The following PDK1 variants were observed in gnomAD, a reference collection of about 807,000 sequenced individuals.
The protein encoded by PDK1 is pyruvate dehydrogenase kinase 1, also known as [Pyruvate dehydrogenase (acetyl-transferring)] kinase isozyme 1, mitochondrial.
Under a neutral mutation model 54.2 loss-of-function variants are expected in PDK1, and 39 were observed. The ratio of observed to expected loss-of-function variants is 0.72; its 90% CI spans 0.56 to 0.94. The LOEUF (loss-of-function observed/expected upper bound fraction) is 0.94. PDK1 is among the 40% of genes least tolerant of loss of function. PDK1 has a pLI of 0.00. For missense variants in PDK1, 552 were observed against 566.0 expected (o/e 0.98, Z 0.25); for synonymous variants, 221 against 207.1 (o/e 1.07, Z -0.58).
the PDK1 span, among the ~76,000 whole-genome samples, chr2:172,649,858 C>T: frequency 2.0e-5 from 3 of 152,218 alleles, no homozygotes; most frequent in Admixed American, 1.3e-4. Flanking sequence ...AAATTTACGT[C>T]CGATTGGTGT....
the PDK1 span, among the ~76,000 whole-genome samples, chr2:172,629,693 T>C: frequency 0.99 from 150,308 of 152,312 alleles, 74,208 homozygotes; most frequent in Middle Eastern, 1. Flanking sequence ...AACATTTAGC[T>C]GTCTGCAGAC....
chr2:172,664,546 G>C, the PDK1 span, among the ~76,000 whole-genome samples: 1 of 151,982 alleles, frequency 6.6e-6, no homozygotes, highest in African/African-American at 2.4e-5. Context: ...TGATCTCTAG[G>C]AATGTGTAGA....
chr2:172,595,446 G>A (rs1443215567), intron 10 of PDK1, among the ~76,000 whole-genome samples: 1 of 152,140 alleles, frequency 6.6e-6, no homozygotes, highest in East Asian at 1.9e-4. Context: ...TTAAAATAGA[G>A]TTCATTAAAT....
the PDK1 span, among the ~76,000 whole-genome samples, chr2:172,614,545 C>T: frequency 7.9e-5 from 12 of 152,134 alleles, no homozygotes; most frequent in Non-Finnish European, 1.6e-4. Context: ...GAGGAGCTGC[C>T]GTCTGCTGAG....
At chr2:172,721,490 AC>A in the PDK1 span, among the ~76,000 whole-genome samples, 307 of 152,150 alleles carry the variant, frequency 2.0e-3, 3 homozygotes, top group Admixed American at 0.018. Context: ...GGCATGTGCC[AC>A]CAGGCCTGGC....
At chr2:172,675,771 A>G in the PDK1 span, among the ~76,000 whole-genome samples, 124 of 152,372 alleles carry the variant, frequency 8.1e-4, no homozygotes, top group African/African-American at 2.8e-3. Context: ...ACACTAAACA[A>G]CAAATTTTCA....
chr2:172,621,729 ATC>A, the PDK1 span, among the ~76,000 whole-genome samples: 68 of 146,804 alleles, frequency 4.6e-4, no homozygotes, highest in Non-Finnish European at 8.6e-4. Flanking sequence ...ATATGTTTAT[ATC>A]TCATATATGT....
At chr2:172,585,184 C>T (rs942083852) in intron 8 of PDK1, among the ~76,000 whole-genome samples, 7 of 151,252 alleles carry the variant, frequency 4.6e-5, no homozygotes, top group African/African-American at 1.5e-4. Flanking sequence ...TTTTTTGTAG[C>T]GATGGGGTCT....
In PDK1 at chr2:172,603,341, C is replaced by T. The variant is rs1480646960; in HGVS notation, c.*7372C>T. 1.3e-5 allele frequency: 2 copies of T among 152,114 alleles called. No individual in the cohort carries two copies. Among genetic ancestry groups the T allele is most frequent in the East Asian group, 1.9e-4 (1 of 5,188 alleles). The allele number at this position is 152,114 out of a possible 1,614,324, so 9.4% of individuals were successfully genotyped here. A position where few individuals can be genotyped will look rare whatever the true frequency, so the allele number is the denominator to read the frequency against. On this transcript the variant is annotated 3_prime_UTR_variant, in exon 11 of 11. Transcript: ENST00000282077. ...TACTTGGTGGATGTGTCCATGACCT[C>T]GAGATCGAAAACCCATTAGTTAATC...
At chr2:172,675,275 C>G in the PDK1 span, among the ~76,000 whole-genome samples, 2 of 152,208 alleles carry the variant, frequency 1.3e-5, no homozygotes, top group African/African-American at 2.4e-5. Flanking sequence ...GATCTCACCT[C>G]TCTCACTTTA....
At chr2:172,721,208 G>A in the PDK1 span, among the ~76,000 whole-genome samples, 6 of 152,156 alleles carry the variant, frequency 3.9e-5, no homozygotes, top group Non-Finnish European at 7.3e-5. Context: ...GTTGCCCTAT[G>A]GCCTTAACTA....
intron 6 of PDK1, among the ~76,000 whole-genome samples, chr2:172,568,200 C>A (rs1457795526): frequency 6.6e-6 from 1 of 151,530 alleles, no homozygotes; most frequent in Non-Finnish European, 1.5e-5. Flanking sequence ...TGGTGGTTGG[C>A]GCCTGTAATC....
chr2:172,633,381 C>CTTTTTTTTTTTTTTTTTTTTTGTTTT, the PDK1 span, among the ~76,000 whole-genome samples: 1 of 103,996 alleles, frequency 9.6e-6, no homozygotes, highest in Non-Finnish European at 1.9e-5. Flanking sequence ...GATTTTCTTT[C>CTTTTTTTTTTTTTTTTTTTTTGTTTT]TTTTTTTTTT....
chr2:172,686,505 A>C, the PDK1 span, among the ~76,000 whole-genome samples: 1 of 152,156 alleles, frequency 6.6e-6, no homozygotes, highest in Non-Finnish European at 1.5e-5. Flanking sequence ...GCTCTGTAAA[A>C]TGGACCAATC....
chr2:172,570,895 C>A, intron 8 of PDK1, 71 bp downstream of exon 8: 1 of 825,866 alleles, frequency 1.2e-6, no homozygotes, highest in Non-Finnish European at 2.0e-6. Flanking sequence ...CAAAGGTAAC[C>A]ATACGCATAA....
chr2:172,561,642 T>TAC (rs1164929313), intron 2 of PDK1, among the ~76,000 whole-genome samples: 4 of 152,272 alleles, frequency 2.6e-5, no homozygotes, highest in African/African-American at 9.6e-5. Flanking sequence ...GATGCTTTGA[T>TAC]ACTTCGAATT....
Position 172,597,134 on chromosome 2 carries a change from T to G in PDK1, c.*1165T>G, listed in dbSNP as rs1690939105. The stretch of plus-strand genomic sequence containing the variant: ...TTCTTTTTTTTTTTTCAAGACAGGG[T>G]CTCGCTCTTTTGCCCAGGATGGAGT... On this transcript the variant is annotated 3_prime_UTR_variant, in exon 11 of 11. Coordinates refer to ENST00000282077, the MANE Select transcript of PDK1 (RefSeq NM_002610.5). 1 of 150,814 alleles carries G rather than the reference T, an allele frequency of 6.6e-6. No homozygotes were observed. The highest frequency in any genetic ancestry group is 1.5e-5 in the Non-Finnish European group (1 of 67,810). 9.3% of individuals were successfully genotyped at this position (150,814 alleles called of 1,614,324 possible).
intron 10 of PDK1, among the ~76,000 whole-genome samples, chr2:172,594,120 C>T (rs573995452): frequency 1.3e-5 from 2 of 151,334 alleles, no homozygotes; most frequent in Admixed American, 6.6e-5. Flanking sequence ...TCACTGCAAC[C>T]TCCGCCTCCC....
the PDK1 span, among the ~76,000 whole-genome samples, chr2:172,618,389 A>T: frequency 6.6e-6 from 1 of 152,264 alleles, no homozygotes; most frequent in Admixed American, 6.5e-5. Flanking sequence ...GCAAGGATAC[A>T]TTGGTCCAAT....
Sources: allele counts gnomAD v4.1 joint callset (sites outside exome capture counted in the v4.1 genomes callset), GRCh38; gene constraint gnomAD v4.1.1; transcripts MANE v1.5; gene names NCBI Gene and HGNC (gene_info 2026-07-23, HGNC 2026-07-21).